Variants in LONP2 observed in about 807,000 individuals in gnomAD.
LONP2 encodes the protein lon peptidase 2, peroxisomal, also known as lon protease homolog 2, peroxisomal.
LONP2 carries 60 observed loss-of-function variants against 85.6 expected under a neutral mutation model. The ratio of observed to expected loss-of-function variants is 0.70; its 90% CI spans 0.57 to 0.87. The LOEUF is 0.87. Ranked by LOEUF, LONP2 falls within the 40% of genes least tolerant of loss-of-function variation. The pLI is 0.00. For synonymous variants in LONP2, 395 were observed against 389.7 expected, an observed-to-expected ratio of 1.01 and a Z score of -0.16; for missense variants, 860 against 1,063.5, an observed-to-expected ratio of 0.81 and a Z score of 2.66.
At chr16:48,264,284 A>G (rs1971941392) in intron 6 of LONP2, among the ~76,000 whole-genome samples, 1 of 152,134 alleles carries the variant, frequency 6.6e-6, no homozygotes, top group Admixed American at 6.5e-5. Context: ...CACCTCTGCA[A>G]TCTCGACCAT....
chr16:48,273,078 C>T (rs1972138579), intron 7 of LONP2, among the ~76,000 whole-genome samples: 1 of 152,130 alleles, frequency 6.6e-6, no homozygotes, highest in African/African-American at 2.4e-5. Context: ...CACATGCTCA[C>T]AGTTAGAGTT....
chr16:48,350,011 G>C (rs1867749361), intron 14 of LONP2, among the ~76,000 whole-genome samples: 1 of 152,178 alleles, frequency 6.6e-6, no homozygotes. Flanking sequence ...CCAGCACTTT[G>C]GGAGGCTAAA....
intron 2 of LONP2, among the ~76,000 whole-genome samples, chr16:48,254,792 A>G (rs746572423): frequency 1.3e-5 from 2 of 152,178 alleles, no homozygotes; most frequent in Non-Finnish European, 2.9e-5. Flanking sequence ...CCAAACTTGA[A>G]TTCACTTTTC....
chr16:48,282,031 A>C (rs1412294333), intron 8 of LONP2, among the ~76,000 whole-genome samples: 1 of 152,232 alleles, frequency 6.6e-6, no homozygotes, highest in Non-Finnish European at 1.5e-5. Context: ...AATGGAGTTA[A>C]AAAATGCCTT....
chr16:48,339,346 A>T (rs1489162542), intron 12 of LONP2, among the ~76,000 whole-genome samples: 1 of 152,174 alleles, frequency 6.6e-6, no homozygotes, highest in African/African-American at 2.4e-5. Flanking sequence ...ACAAATGTGT[A>T]TTGGATTTGA....
At chr16:48,265,562 A>G (rs983896062) in intron 6 of LONP2, among the ~76,000 whole-genome samples, 4 of 151,988 alleles carry the variant, frequency 2.6e-5, no homozygotes, top group African/African-American at 9.7e-5. Context: ...TGGGCCCTCT[A>G]TTCTATTCCA....
At chr16:48,255,028 G>A (rs552724096) in intron 2 of LONP2, among the ~76,000 whole-genome samples, 17 of 152,248 alleles carry the variant, frequency 1.1e-4, no homozygotes, top group Middle Eastern at 3.4e-3. Context: ...CCAAAATTAC[G>A]ATGTTGTTGG....
At chr16:48,345,218 T>G (rs1959924652) in intron 12 of LONP2, 1 of 152,210 alleles carries the variant, frequency 6.6e-6, no homozygotes, top group Non-Finnish European at 1.5e-5. Flanking sequence ...AGACTCTGTC[T>G]CAAAAAAACA....
At chr16:48,329,273 G>A (rs541082005) in intron 11 of LONP2, among the ~76,000 whole-genome samples, 3 of 152,234 alleles carry the variant, frequency 2.0e-5, no homozygotes, top group African/African-American at 7.2e-5. Context: ...TTTAAATTGT[G>A]CACTATTCTG....
chr16:48,355,909 G>A lies in LONP2; in HGVS notation c.*4107G>A, dbSNP rs780802230. 2 of 152,026 alleles carry A rather than the reference G, an allele frequency of 1.3e-5. No individual in the cohort carries two copies. Among genetic ancestry groups the A allele is most frequent in the Non-Finnish European group, 2.9e-5 (2 of 68,018 alleles). 9.4% of individuals were successfully genotyped at this position (152,026 alleles called of 1,614,324 possible). A position where few individuals can be genotyped will look rare whatever the true frequency, so the allele number is the denominator to read the frequency against. On this transcript the variant is annotated 3_prime_UTR_variant, in exon 15 of 15. Coordinates refer to ENST00000285737, the MANE Select transcript of LONP2 (RefSeq NM_031490.5). ...ACCGGTATTCCACGTTTTATGCATG[G>A]GTTTTTAAAACTTCTCAAGTATTAA... is the stretch of plus-strand genomic sequence containing the variant.
intron 12 of LONP2, among the ~76,000 whole-genome samples, chr16:48,346,903 C>T (rs1240430439): frequency 3.3e-5 from 5 of 152,110 alleles, no homozygotes; most frequent in African/African-American, 9.7e-5. Context: ...GTAATCCCAG[C>T]ACTTTGGGAG....
At chr16:48,272,678 T>C (rs1319715147) in intron 7 of LONP2, among the ~76,000 whole-genome samples, 1 of 152,238 alleles carries the variant, frequency 6.6e-6, no homozygotes, top group Non-Finnish European at 1.5e-5. Context: ...TGAATCATTC[T>C]ATTCAGCCTG....
At chr16:48,302,705 A>G (rs1972831951) in intron 10 of LONP2, among the ~76,000 whole-genome samples, 1 of 152,260 alleles carries the variant, frequency 6.6e-6, no homozygotes, top group Admixed American at 6.5e-5. Context: ...CCTAGTGAAA[A>G]CCAGATTTCT....
intron 8 of LONP2, among the ~76,000 whole-genome samples, chr16:48,283,060 GC>G (rs1166405467): frequency 6.6e-6 from 1 of 152,188 alleles, no homozygotes; most frequent in Non-Finnish European, 1.5e-5. Flanking sequence ...ATTCCCTTAA[GC>G]CGAAACCTAG....
chr16:48,344,558 C>G (rs1959907592), intron 12 of LONP2: 1 of 152,136 alleles, frequency 6.6e-6, no homozygotes, highest in East Asian at 1.9e-4. Context: ...CCCAAAGTAC[C>G]AAGACTCCAG....
rs1960291789 is a variant in LONP2, at chr16:48,355,105, T to C, written c.*3303T>C. 6.6e-6 allele frequency: 1 copy of C among 151,692 alleles called. No individual in the cohort carries two copies. Among genetic ancestry groups the C allele is most frequent in the African/African-American group, 2.4e-5 (1 of 41,304 alleles). 9.4% of individuals were successfully genotyped at this position (151,692 alleles called of 1,614,324 possible). ...GGTATTATGAGTAATGCTATGAACA[T>C]GGGTGTACACATCTCTCTTGAAGTC... On this transcript the variant is annotated 3_prime_UTR_variant, in exon 15 of 15. Coordinates refer to ENST00000285737, the MANE Select transcript of LONP2 (RefSeq NM_031490.5).
At chr16:48,253,674 A>G (rs1016124314) in intron 2 of LONP2, among the ~76,000 whole-genome samples, 4 of 152,134 alleles carry the variant, frequency 2.6e-5, no homozygotes, top group Admixed American at 6.5e-5. Context: ...TTGGACATAG[A>G]TAGCTTCATA....
intron 9 of LONP2, among the ~76,000 whole-genome samples, chr16:48,297,431 TC>T (rs1972697315): frequency 6.6e-6 from 1 of 152,030 alleles, no homozygotes; most frequent in East Asian, 1.9e-4. Context: ...TGCCTCAGCC[TC>T]CTGAGTAGCT....
At chr16:48,276,224 C>T (rs1306492505) in intron 7 of LONP2, among the ~76,000 whole-genome samples, 1 of 152,202 alleles carries the variant, frequency 6.6e-6, no homozygotes, top group Admixed American at 6.5e-5. Context: ...GCCTTAGTCA[C>T]CTTTCCCGGA....
Sources: allele counts gnomAD v4.1 joint callset (sites outside exome capture counted in the v4.1 genomes callset), GRCh38; gene constraint gnomAD v4.1.1; transcripts MANE v1.5; gene names NCBI Gene and HGNC (gene_info 2026-07-23, HGNC 2026-07-21).